PRKD3: variants seen among roughly 807,000 people sequenced by gnomAD.
PRKD3 encodes the protein protein kinase D3.
A neutral mutation model predicts 99.2 loss-of-function variants in PRKD3; 47 were observed. That is an observed-to-expected ratio of 0.47 (90% CI 0.38 to 0.60). The LOEUF (loss-of-function observed/expected upper bound fraction) is 0.60. Ranked by LOEUF, PRKD3 falls within the 20% of genes least tolerant of loss-of-function variation. PRKD3 has a pLI of 0.00. For missense variants in PRKD3, 1,019 were observed against 1,088.4 expected, an observed-to-expected ratio of 0.94 and a Z score of 0.90; for synonymous variants, 392 against 355.4, an observed-to-expected ratio of 1.10 and a Z score of -1.16.
intron 2 of PRKD3, among the ~76,000 whole-genome samples, chr2:37,311,847 T>A (rs906076846): frequency 2.0e-5 from 3 of 152,108 alleles, no homozygotes; most frequent in African/African-American, 4.8e-5. Context: ...TTAAACAGAC[T>A]CCCACTCCCA....
intron 12 of PRKD3, among the ~76,000 whole-genome samples, chr2:37,270,937 G>A (rs1348257772): frequency 2.0e-5 from 3 of 152,092 alleles, no homozygotes; most frequent in African/African-American, 7.2e-5. Flanking sequence ...GTTCCCATGG[G>A]ATTATTCAAA....
chr2:37,277,844 T>C (rs1185398751), intron 9 of PRKD3, 22 bp downstream of exon 9: 1 of 1,607,012 alleles, frequency 6.2e-7, no homozygotes, highest in Admixed American at 1.7e-5. Flanking sequence ...ACTAGCATAT[T>C]CAAATGTATT....
chr2:37,273,201 C>T (rs971143875), intron 11 of PRKD3, among the ~76,000 whole-genome samples: 12 of 152,054 alleles, frequency 7.9e-5, no homozygotes, highest in African/African-American at 2.9e-4. Flanking sequence ...CCTCATTTAT[C>T]TTTTAAAGAG....
chr2:37,291,160 CTAGTT>C (rs1558560853), intron 3 of PRKD3, among the ~76,000 whole-genome samples, 161 bp from the exon 4 acceptor site: 1 of 152,124 alleles, frequency 6.6e-6, no homozygotes, highest in African/African-American at 2.4e-5. Context: ...ATTTCAAACT[CTAGTT>C]TAGCAAGTCC....
intron 17 of PRKD3, 70 bp from the exon 18 acceptor site, chr2:37,254,359 GA>G (rs1667766361): frequency 5.8e-6 from 7 of 1,198,890 alleles, no homozygotes; most frequent in Non-Finnish European, 8.7e-6. Flanking sequence ...TGACTGCCTA[GA>G]AGGCAGTTCA....
chr2:37,276,459 A>AT (rs1324483587), intron 9 of PRKD3, among the ~76,000 whole-genome samples: 2 of 151,996 alleles, frequency 1.3e-5, no homozygotes, highest in East Asian at 3.8e-4. Context: ...AGTCATTTGT[A>AT]TTTCCTGTGA....
chr2:37,269,554 T>C, intron 13 of PRKD3, 61 bp downstream of exon 13: 1 of 1,427,404 alleles, frequency 7.0e-7, no homozygotes, highest in Non-Finnish European at 9.9e-7. Flanking sequence ...CTGGCAGATG[T>C]TTTACATTTT....
intron 7 of PRKD3, among the ~76,000 whole-genome samples, chr2:37,280,884 T>A (rs1669828765): frequency 6.6e-6 from 1 of 152,188 alleles, no homozygotes; most frequent in South Asian, 2.1e-4. Flanking sequence ...GTATCCAGGG[T>A]ATTTAAAAAT....
intron 2 of PRKD3, among the ~76,000 whole-genome samples, chr2:37,299,495 C>G (rs1250649216): frequency 6.8e-6 from 1 of 146,022 alleles, no homozygotes; most frequent in Non-Finnish European, 1.5e-5. Flanking sequence ...ATGGTGAAAC[C>G]CCACCTCTAC....
chr2:37,265,785 C>A (rs1668796761), intron 14 of PRKD3, among the ~76,000 whole-genome samples: 1 of 152,082 alleles, frequency 6.6e-6, no homozygotes. Context: ...CCAGTTTGGG[C>A]AATATTGATG....
In PRKD3 at chr2:37,279,886, A is replaced by C; in HGVS notation, c.1032T>G (p.Ile344Met). Residue 344 changes from isoleucine (I) to methionine (M), a missense_variant, in exon 8 of 19, where the codon ATT becomes ATG. Physicochemically the swap from Ile to Met is conservative, Grantham distance 10. Around this residue, in one of 3 missense-constraint regions of PRKD3, gnomAD observed 710 missense variants for 692.7 expected, o/e 1.02. Coordinates refer to ENST00000234179, the MANE Select transcript of PRKD3 (RefSeq NM_005813.6). ...LGTDTDIPMD[I>M]DNNDINSDSS... ...TATCACTATTTATGTCATTATTGTC[A>C]ATATCCATTGGTATATCTGTATCTG... 1 of 1,613,094 alleles carries C rather than the reference A, an allele frequency of 6.2e-7. No individual in the cohort carries two copies. The highest frequency in any genetic ancestry group is 8.5e-7 in the Non-Finnish European group (1 of 1,179,382).
intron 6 of PRKD3, among the ~76,000 whole-genome samples, chr2:37,284,932 T>C (rs1034943754): frequency 1.3e-5 from 2 of 152,122 alleles, no homozygotes; most frequent in African/African-American, 4.8e-5. Context: ...CCTAATGCTA[T>C]CCCTCCCCCC....
chr2:37,297,767 CCA>C (rs1310087981), intron 2 of PRKD3, among the ~76,000 whole-genome samples: 2 of 152,090 alleles, frequency 1.3e-5, no homozygotes, highest in Non-Finnish European at 2.9e-5. Context: ...GGGAGGCAGA[CCA>C]CAGAGGTAAA....
intron 2 of PRKD3, among the ~76,000 whole-genome samples, chr2:37,303,585 A>AG (rs1225989723): frequency 6.6e-6 from 1 of 151,998 alleles, no homozygotes; most frequent in East Asian, 1.9e-4. Context: ...CAAGGCAGCT[A>AG]GCCAGATCCT....
intron 13 of PRKD3, chr2:37,268,535 C>T: frequency 3.0e-6 from 1 of 336,722 alleles, no homozygotes; most frequent in Non-Finnish European, 5.8e-6. Context: ...TAATGTAAAC[C>T]CAAAGGGTAA....
chr2:37,269,234 T>C (rs75683499), intron 13 of PRKD3: 1 of 220,954 alleles, frequency 4.5e-6, no homozygotes, highest in African/African-American at 2.3e-5. Context: ...AGAACAATCA[T>C]GCCAACAGTA....
In PRKD3 at chr2:37,260,227, G is replaced by A. The variant is rs1174662703; in HGVS notation, c.2042C>T (p.Thr681Ile). ...LPERITKFMV[T>I]QILVALRNLH... ...AAAAAAAAGGAGTTAAAATACCTGTGTGACCATGAATTTAGTAATTCGTTC... is the reference window on the plus strand; with the variant it reads ...AAAAAAAAGGAGTTAAAATACCTGTATGACCATGAATTTAGTAATTCGTTC... Residue 681 changes from threonine to isoleucine, a missense_variant, in exon 15 of 19, where the codon ACA becomes ATA. Coordinates refer to ENST00000234179, the MANE Select transcript of PRKD3 (RefSeq NM_005813.6). The A allele has an allele frequency of 6.2e-7, 1 of 1,602,140 alleles. No individual in the cohort carries two copies. The highest frequency in any genetic ancestry group is 8.5e-7 in the Non-Finnish European group (1 of 1,172,426).
At chr2:37,299,535 C>T in intron 2 of PRKD3, among the ~76,000 whole-genome samples, 1 of 150,958 alleles carries the variant, frequency 6.6e-6, no homozygotes, top group African/African-American at 2.4e-5. Context: ...CACACACACA[C>T]ACACACACAC....
intron 2 of PRKD3, among the ~76,000 whole-genome samples, chr2:37,313,056 T>A (rs1346982042): frequency 6.6e-6 from 1 of 152,252 alleles, no homozygotes; most frequent in Non-Finnish European, 1.5e-5. Context: ...AGTGCTATGA[T>A]ATTGTTTGAA....
Sources: gnomAD v4.1 joint callset for allele counts (sites outside exome capture counted in the v4.1 genomes callset) on GRCh38, gnomAD v4.1.1 for gene constraint, gnomAD v4.1.1 regional missense constraint, MANE v1.5 for transcripts, NCBI Gene and HGNC (gene_info 2026-07-23, HGNC 2026-07-21) for gene names.